The following SETD2 variants were observed in gnomAD, a reference collection of about 807,000 sequenced individuals.
SETD2 encodes histone-lysine N-methyltransferase SETD2.
A neutral mutation model predicts 242.1 loss-of-function variants in SETD2; 31 were observed. The ratio of observed to expected loss-of-function variants is 0.13; its 90% CI spans 0.10 to 0.17. The LOEUF is 0.17. SETD2 is among the 10% of genes least tolerant of loss of function. The probability of loss-of-function intolerance (pLI) is 1.00; values close to 1 mark genes in which losing one functional copy is unlikely to be tolerated. For missense variants in SETD2, 2,481 were observed against 3,046.3 expected, an observed-to-expected ratio of 0.81 and a Z score of 4.37; for synonymous variants, 1,006 against 1,066.5, an observed-to-expected ratio of 0.94 and a Z score of 1.11.
At chr3:47,110,245 G>A (rs1022286593) in intron 5 of SETD2, among the ~76,000 whole-genome samples, 2 of 152,132 alleles carry the variant, frequency 1.3e-5, no homozygotes, top group Non-Finnish European at 2.9e-5. Context: ...CAGCAAATTA[G>A]TGGCTGCCAG....
intron 5 of SETD2, among the ~76,000 whole-genome samples, chr3:47,108,560 C>A (rs1347082513): frequency 6.6e-6 from 1 of 152,128 alleles, no homozygotes; most frequent in Non-Finnish European, 1.5e-5. Flanking sequence ...ATATTCAATT[C>A]TAATGATATT....
chr3:47,144,250 T>C (rs780391424), intron 1 of SETD2, among the ~76,000 whole-genome samples: 16 of 152,060 alleles, frequency 1.1e-4, no homozygotes, highest in Non-Finnish European at 1.2e-4. Context: ...TCCCAACATT[T>C]TGGGAGGCCA....
chr3:47,148,284 CCA>C (rs1242636261), intron 1 of SETD2, among the ~76,000 whole-genome samples: 3 of 152,058 alleles, frequency 2.0e-5, no homozygotes, highest in Admixed American at 6.6e-5. Flanking sequence ...GCACCCACTG[CCA>C]CGCCGGGCTA....
At chr3:47,118,329 C>T (rs1332145520) in intron 3 of SETD2, among the ~76,000 whole-genome samples, 1 of 152,100 alleles carries the variant, frequency 6.6e-6, no homozygotes. Context: ...TTCCATTAAA[C>T]ATAAGAAAAA....
intron 16 of SETD2, among the ~76,000 whole-genome samples, chr3:47,044,513 A>G (rs1284767769): frequency 6.6e-6 from 1 of 152,080 alleles, no homozygotes; most frequent in Non-Finnish European, 1.5e-5. Flanking sequence ...GTCTAAAGTC[A>G]TCATCAATTG....
At chr3:47,099,562 C>T (rs574858160) in intron 8 of SETD2, among the ~76,000 whole-genome samples, 1 of 152,266 alleles carries the variant, frequency 6.6e-6, no homozygotes, top group African/African-American at 2.4e-5. Flanking sequence ...AGGACCCATA[C>T]CTTACTAAGT....
chr3:47,154,948 C>T (rs2044092819), intron 1 of SETD2, among the ~76,000 whole-genome samples: 1 of 151,278 alleles, frequency 6.6e-6, no homozygotes, highest in Non-Finnish European at 1.5e-5. Flanking sequence ...GAGCCGAGAT[C>T]GCACCACCGC....
chr3:47,106,720 G>A (rs1268332101), intron 5 of SETD2, among the ~76,000 whole-genome samples: 1 of 150,440 alleles, frequency 6.6e-6, no homozygotes, highest in East Asian at 2.0e-4. Context: ...GCTGAGACAG[G>A]AGAATTGCTT....
intron 12 of SETD2, among the ~76,000 whole-genome samples, chr3:47,074,918 G>A (rs1374295714): frequency 6.6e-6 from 1 of 151,984 alleles, no homozygotes; most frequent in African/African-American, 2.4e-5. Context: ...GGTGGATCAC[G>A]AGGTCAGGAG....
intron 6 of SETD2, among the ~76,000 whole-genome samples, chr3:47,104,351 G>A (rs974528148): frequency 2.0e-5 from 3 of 151,980 alleles, no homozygotes; most frequent in Non-Finnish European, 4.4e-5. Flanking sequence ...ACCAGCCTGG[G>A]CAACACAGCA....
chr3:47,066,612 G>C (rs1303578993), intron 13 of SETD2, among the ~76,000 whole-genome samples: 2 of 152,130 alleles, frequency 1.3e-5, no homozygotes, highest in Non-Finnish European at 2.9e-5. Flanking sequence ...ACTTCCCAAA[G>C]TGCTAGGATT....
chr3:47,145,242 T>G (rs2106804918), intron 1 of SETD2, among the ~76,000 whole-genome samples: 1 of 152,312 alleles, frequency 6.6e-6, no homozygotes, highest in African/African-American at 2.4e-5. Flanking sequence ...ATACACGAGA[T>G]ATCTTGGGGC....
Position 47,098,150 on chromosome 3 carries a change from C to T in SETD2, c.5016-69G>A, listed in dbSNP as rs563000932. On this transcript the variant is annotated intron_variant, in intron 8 of 20. Coordinates refer to ENST00000409792, the MANE Select transcript of SETD2 (RefSeq NM_014159.7). Reference sequence around the variant, plus strand: ...ACCATACAAAACTGTTGGCAATACACACAAAAGTCATACCAGTCTAAACAA... The same window carrying T: ...ACCATACAAAACTGTTGGCAATACATACAAAAGTCATACCAGTCTAAACAA... The T allele has an allele frequency of 1.6e-5, 25 of 1,542,050 alleles. No individual in the cohort carries two copies. The East Asian group carries it at 5.7e-4, about 35-fold the overall frequency.
chr3:47,063,018 G>A (rs1575710664), intron 13 of SETD2, among the ~76,000 whole-genome samples: 1 of 152,148 alleles, frequency 6.6e-6, no homozygotes, highest in Admixed American at 6.5e-5. Flanking sequence ...ATGGGGGACT[G>A]GTTCCAGGAA....
chr3:47,084,677 C>A (rs376919567), intron 11 of SETD2, among the ~76,000 whole-genome samples: 1 of 151,894 alleles, frequency 6.6e-6, no homozygotes, highest in Non-Finnish European at 1.5e-5. Context: ...CCACCCACCT[C>A]GGCCTCCCAA....
In SETD2 at chr3:47,122,471, T is replaced by G. The variant is rs1348798660; in HGVS notation, c.2165A>C (p.Gln722Pro). The G allele has an allele frequency of 6.2e-7, 1 of 1,614,156 alleles. No homozygotes were observed. Among genetic ancestry groups the G allele is most frequent in the Admixed American group, 1.7e-5 (1 of 60,032 alleles). The change falls in exon 3 of 21, where the codon CAG becomes CCG. Residue 722 changes from glutamine to proline, a missense_variant. Physicochemically the swap from Gln to Pro is moderately conservative, Grantham distance 76. Around this residue, in one of 17 missense-constraint regions of SETD2, gnomAD observed 1,300 missense variants for 1,259.2 expected, o/e 1.03. Coordinates refer to ENST00000409792, the MANE Select transcript of SETD2 (RefSeq NM_014159.7). Reference protein sequence around the residue: ...KACMLSSNGFQNISRCKEKDL... With the variant: ...KACMLSSNGFPNISRCKEKDL... Reference sequence around the variant, plus strand: ...TTTTTCTTTGCACCTACTAATATTCTGAAATCCATTTGATGAAAGCATGCA... The same window carrying G: ...TTTTTCTTTGCACCTACTAATATTCGGAAATCCATTTGATGAAAGCATGCA...
In SETD2 at chr3:47,053,961, T is replaced by C. The variant is rs118020262; in HGVS notation, c.6963+2860A>G. ...ATTCTGAGGCATTCTGCTCATTTTA[T>C]AGATGAGAAAACAAAGACTCAAGAA... is the stretch of plus-strand genomic sequence containing the variant. On this transcript the variant is annotated intron_variant, in intron 15 of 20. Coordinates refer to ENST00000409792, the MANE Select transcript of SETD2 (RefSeq NM_014159.7). Among the ~76,000 whole-genome samples the C allele has an allele frequency of 5.9e-5, 9 of 152,354 alleles. No homozygotes were observed. In the East Asian group the frequency reaches 1.2e-3, roughly 20 times the overall value.
At chr3:47,027,073 T>C (rs895485920) in intron 18 of SETD2, among the ~76,000 whole-genome samples, 1 of 152,098 alleles carries the variant, frequency 6.6e-6, no homozygotes, top group Non-Finnish European at 1.5e-5. Context: ...GATTGGCTCA[T>C]GCCTGTAATC....
chr3:47,136,706 C>T (rs1346890982), intron 1 of SETD2, among the ~76,000 whole-genome samples: 1 of 152,118 alleles, frequency 6.6e-6, no homozygotes, highest in Non-Finnish European at 1.5e-5. Context: ...GTAATCCCAG[C>T]ACTTTGGGAG....
Sources: gnomAD v4.1 joint callset for allele counts (sites outside exome capture counted in the v4.1 genomes callset) on GRCh38, gnomAD v4.1.1 for gene constraint, gnomAD v4.1.1 regional missense constraint, MANE v1.5 for transcripts, NCBI Gene and HGNC (gene_info 2026-07-23, HGNC 2026-07-21) for gene names.